SPIDR: variants seen among roughly 807,000 people sequenced by gnomAD.
The protein encoded by SPIDR is DNA repair-scaffolding protein.
In SPIDR, 93 loss-of-function variants were observed where a neutral mutation model predicts 104.6. The ratio of observed to expected loss-of-function variants is 0.89; its 90% CI spans 0.75 to 1.06. The LOEUF is 1.06. Among genes scored for constraint, SPIDR ranks in the 50% least tolerant of loss-of-function variants. SPIDR has a pLI of 0.00. For synonymous variants in SPIDR, 431 were observed against 416.9 expected (o/e 1.03, Z -0.41); for missense variants, 1,154 against 1,111.2 (o/e 1.04, Z -0.55).
intron 10 of SPIDR, among the ~76,000 whole-genome samples, chr8:47,630,571 A>G (rs1381922650): frequency 2.6e-5 from 4 of 152,214 alleles, no homozygotes; most frequent in Non-Finnish European, 5.9e-5. Context: ...TACTGTCCAC[A>G]TAACAGATGC....
At chr8:47,362,912 C>A (rs1026646111) in intron 5 of SPIDR, among the ~76,000 whole-genome samples, 19 of 152,334 alleles carry the variant, frequency 1.2e-4, no homozygotes, top group Non-Finnish European at 2.4e-4. Flanking sequence ...TTTGGCTTCT[C>A]AAAGTGCTGG....
At chr8:47,617,278 A>G (rs1028361840) in intron 10 of SPIDR, among the ~76,000 whole-genome samples, 6 of 152,218 alleles carry the variant, frequency 3.9e-5, no homozygotes, top group African/African-American at 1.4e-4. Flanking sequence ...GTGAAGCTGG[A>G]GCATGCACTG....
rs572234565 is a variant in SPIDR at position 47,530,098 on chromosome 8, C to T, written c.1098-65713C>T. On this transcript the variant is annotated intron_variant, in intron 8 of 19. Transcript: ENST00000297423. The stretch of plus-strand genomic sequence containing the variant: ...AGGCTGTATGGTATAGCCTACTGCT[C>T]CTAGGCTACACACTTGTATAGCATG... 8.2e-4 allele frequency among the ~76,000 whole-genome samples: 125 copies of T among 152,314 alleles called. No homozygotes were observed. The Middle Eastern group carries it at 0.01, about 12-fold the overall frequency.
At position 47,713,574 on chromosome 8, in the gene SPIDR, G is replaced by T; in HGVS notation, c.2274G>T (p.Leu758=). 1 of 1,614,178 alleles carries T rather than the reference G, an allele frequency of 6.2e-7. No individual in the cohort carries two copies. The highest frequency in any genetic ancestry group is 8.5e-7 in the Non-Finnish European group (1 of 1,180,038). The change falls in exon 16 of 20, where the codon CTG becomes CTT. Residue 758 remains leucine (L), a synonymous_variant. Coordinates refer to ENST00000297423, the MANE Select transcript of SPIDR (RefSeq NM_001080394.4). ...TCTCTGGTGCAAGTTCCTGTGAGCT[G>T]CCTGGCCCGGTGATGCTCGACAGCC... is the stretch of plus-strand genomic sequence containing the variant. ...SVVSGASSCE[L]PGPVMLDSLD...
At chr8:47,482,636 G>A (rs891643811) in intron 8 of SPIDR, among the ~76,000 whole-genome samples, 1 of 152,212 alleles carries the variant, frequency 6.6e-6, no homozygotes, top group Admixed American at 6.5e-5. Context: ...CAGGTGAAAA[G>A]TGTTTGGAGA....
intron 18 of SPIDR, 25 bp downstream of exon 18, chr8:47,729,072 C>T (rs376860520): frequency 1.2e-5 from 20 of 1,611,878 alleles, no homozygotes; most frequent in Non-Finnish European, 1.7e-5. Flanking sequence ...AGAGCACGCA[C>T]GCACTCCTAG....
chr8:47,718,496 T>C (rs2082900760), intron 16 of SPIDR, among the ~76,000 whole-genome samples: 2 of 152,084 alleles, frequency 1.3e-5, no homozygotes, highest in Middle Eastern at 3.4e-3. Context: ...AAACTACTTA[T>C]CTTTGGCTCT....
intron 5 of SPIDR, among the ~76,000 whole-genome samples, chr8:47,313,509 T>C (rs1427080622): frequency 6.6e-6 from 1 of 152,184 alleles, no homozygotes; most frequent in African/African-American, 2.4e-5. Flanking sequence ...ATAGATTCAA[T>C]GCCATCCCCA....
chr8:47,535,309 A>G (rs1007800989), intron 8 of SPIDR, among the ~76,000 whole-genome samples: 9 of 152,236 alleles, frequency 5.9e-5, no homozygotes, highest in Non-Finnish European at 1.3e-4. Context: ...ACACTTAAGC[A>G]CTAAGTGCAG....
intron 8 of SPIDR, among the ~76,000 whole-genome samples, chr8:47,534,482 C>G (rs1052873513): frequency 5.3e-5 from 8 of 152,256 alleles, no homozygotes; most frequent in Admixed American, 4.6e-4. Flanking sequence ...TTTGCAGGAA[C>G]ATGGTTGGAG....
chr8:47,728,645 C>T, intron 17 of SPIDR: 1 of 290,908 alleles, frequency 3.4e-6, no homozygotes, highest in Non-Finnish European at 6.5e-6. Context: ...CAGCCTGACC[C>T]CTGGCCTCCC....
intron 11 of SPIDR, among the ~76,000 whole-genome samples, chr8:47,693,595 C>T (rs1401625210): frequency 6.6e-6 from 1 of 152,170 alleles, no homozygotes; most frequent in Admixed American, 6.5e-5. Context: ...GTCATCTAGG[C>T]ACTGGGATTC....
intron 5 of SPIDR, among the ~76,000 whole-genome samples, chr8:47,363,580 T>G (rs572335398): frequency 1.6e-4 from 24 of 152,082 alleles, no homozygotes; most frequent in African/African-American, 5.8e-4. Context: ...CGCCCCAGGC[T>G]CTGGCAGTGA....
chr8:47,267,978 A>G (rs984523537), intron 1 of SPIDR, among the ~76,000 whole-genome samples: 6 of 152,118 alleles, frequency 3.9e-5, no homozygotes, highest in Non-Finnish European at 8.8e-5. Flanking sequence ...TCTTACATTT[A>G]GGTCTGTGAT....
At chr8:47,341,511 G>A (rs2050752731) in intron 5 of SPIDR, among the ~76,000 whole-genome samples, 1 of 152,002 alleles carries the variant, frequency 6.6e-6, no homozygotes, top group Non-Finnish European at 1.5e-5. Flanking sequence ...GTAATAATAG[G>A]TTAGTAAATA....
intron 16 of SPIDR, among the ~76,000 whole-genome samples, chr8:47,716,158 C>T (rs2082560679): frequency 6.6e-6 from 1 of 151,928 alleles, no homozygotes; most frequent in Non-Finnish European, 1.5e-5. Flanking sequence ...AGAGATTTTG[C>T]CGTGTTGGCC....
intron 1 of SPIDR, among the ~76,000 whole-genome samples, chr8:47,278,093 TC>T (rs2036928968): frequency 3.6e-5 from 4 of 112,150 alleles, no homozygotes; most frequent in African/African-American, 2.2e-4. Context: ...TCATTTTCTT[TC>T]TCTTTTTTTT....
At chr8:47,673,599 T>A (rs753152766) in intron 10 of SPIDR, 106 of 660,486 alleles carry the variant, frequency 1.6e-4, no homozygotes, top group Non-Finnish European at 2.3e-4. Flanking sequence ...AACGTTTTTT[T>A]AATCCTGACT....
chr8:47,704,701 C>T (rs941585500), intron 14 of SPIDR, among the ~76,000 whole-genome samples: 4 of 152,306 alleles, frequency 2.6e-5, no homozygotes, highest in Middle Eastern at 3.4e-3. Flanking sequence ...TTCTCTTCAT[C>T]TGTTCCCCTT....
Sources: allele counts gnomAD v4.1 joint callset (sites outside exome capture counted in the v4.1 genomes callset), GRCh38; gene constraint gnomAD v4.1.1; transcripts MANE v1.5; gene names NCBI Gene and HGNC (gene_info 2026-07-23, HGNC 2026-07-21).